The following SH3GL1 variants were observed in gnomAD, a reference collection of about 807,000 sequenced individuals.
SH3GL1 encodes SH3 domain containing GRB2 like 1, endophilin A2, also known as endophilin-A2.
SH3GL1 carries 21 observed loss-of-function variants against 48.8 expected under a neutral mutation model. The ratio of observed to expected loss-of-function variants is 0.43; its 90% CI spans 0.30 to 0.62. The LOEUF (loss-of-function observed/expected upper bound fraction) is 0.62, where lower values mean the gene tolerates loss of function less well. SH3GL1 is among the 20% of genes least tolerant of loss of function. The pLI, the probability that SH3GL1 is intolerant of heterozygous loss-of-function variation, is 0.11. For synonymous variants in SH3GL1, 282 were observed against 217.5 expected, an observed-to-expected ratio of 1.30 and a Z score of -2.61; for missense variants, 454 against 503.0, an observed-to-expected ratio of 0.90 and a Z score of 0.93.
intron 1 of SH3GL1, among the ~76,000 whole-genome samples, chr19:4,384,017 A>C (rs564971998): frequency 6.6e-6 from 1 of 152,334 alleles, no homozygotes; most frequent in African/African-American, 2.4e-5. Context: ...GCTACAAATC[A>C]ATCTTATCAA....
chr19:4,377,063 G>A (rs534622290), intron 1 of SH3GL1, among the ~76,000 whole-genome samples: 156 of 152,314 alleles, frequency 1.0e-3, no homozygotes, highest in South Asian at 2.3e-3. Flanking sequence ...GATGGAGGCC[G>A]CCAGGCCCAT....
intron 1 of SH3GL1, among the ~76,000 whole-genome samples, chr19:4,375,840 C>A (rs1972997587): frequency 6.6e-6 from 1 of 152,244 alleles, no homozygotes; most frequent in Non-Finnish European, 1.5e-5. Context: ...CAGGGAAACA[C>A]CAGCTCTGCA....
In SH3GL1 at chr19:4,365,495, G is replaced by C. The variant is rs758947851; in HGVS notation, c.318C>G (p.Gly106=). The change falls in exon 4 of 10, where the codon GGC becomes GGG. Residue 106 remains glycine (G), a synonymous_variant. Coordinates refer to ENST00000269886, the MANE Select transcript of SH3GL1 (RefSeq NM_003025.4). ...AGCACCACTCACCAAAGTTGGACTC[G>C]CCGCCCAGCTCCTTCCCGTGGCGGA... is the stretch of plus-strand genomic sequence containing the variant. ...CMIRHGKELG[G]ESNFGDALLD... The C allele has an allele frequency of 1.2e-6, 2 of 1,613,742 alleles. No individual in the cohort carries two copies. The highest frequency in any genetic ancestry group is 1.7e-5 in the Admixed American group (1 of 60,016).
intron 8 of SH3GL1, 28 bp downstream of exon 8, chr19:4,362,584 T>TCCCAC: frequency 1.2e-6 from 2 of 1,612,480 alleles, no homozygotes; most frequent in Non-Finnish European, 1.7e-6. Flanking sequence ...GGCATTTGCC[T>TCCCAC]CCGCAAGAGG....
At chr19:4,370,209 G>A (rs554021731) in intron 1 of SH3GL1, among the ~76,000 whole-genome samples, 19 of 152,322 alleles carry the variant, frequency 1.2e-4, no homozygotes, top group African/African-American at 3.8e-4. Context: ...CAATGCCCCC[G>A]CATCAGAGAC....
intron 1 of SH3GL1, among the ~76,000 whole-genome samples, chr19:4,399,279 C>T (rs1235471623): frequency 7.1e-6 from 1 of 140,064 alleles, no homozygotes; most frequent in Non-Finnish European, 1.5e-5. Context: ...GAGATTGCAC[C>T]ACTGCCCTCC....
intron 1 of SH3GL1, among the ~76,000 whole-genome samples, chr19:4,371,968 A>G (rs542845425): frequency 6.6e-6 from 1 of 152,102 alleles, no homozygotes; most frequent in East Asian, 1.9e-4. Flanking sequence ...TACCTGTGAC[A>G]AGGCCTCATC....
rs924298399 is a variant in SH3GL1, at chr19:4,364,866, T to G, written c.331+616A>C. On this transcript the variant is annotated intron_variant, in intron 4 of 9. Coordinates refer to ENST00000269886, the MANE Select transcript of SH3GL1 (RefSeq NM_003025.4). Reference sequence around the variant, plus strand: ...GGCATGCACTACCACACCCGGCTAATTGTGTGTGTGTGTGTGTGTGTGTGT... The same window carrying G: ...GGCATGCACTACCACACCCGGCTAAGTGTGTGTGTGTGTGTGTGTGTGTGT... Among the ~76,000 whole-genome samples, 27 of 97,124 alleles carry G rather than the reference T, an allele frequency of 2.8e-4. No individual in the cohort carries two copies. In the East Asian group the frequency reaches 6.6e-3, roughly 24 times the overall value. 63.7% of individuals were successfully genotyped at this position (97,124 alleles called of 152,430 possible).
At chr19:4,398,527 C>A (rs1483483208) in intron 1 of SH3GL1, among the ~76,000 whole-genome samples, 1 of 151,968 alleles carries the variant, frequency 6.6e-6, no homozygotes, top group South Asian at 2.1e-4. Flanking sequence ...GGGTTACAGG[C>A]AAAAATACAA....
chr19:4,384,639 G>A (rs1482511433), intron 1 of SH3GL1, among the ~76,000 whole-genome samples: 5 of 152,284 alleles, frequency 3.3e-5, no homozygotes, highest in Admixed American at 6.5e-5. Context: ...ACAGGGGACC[G>A]CTCACTGCCA....
intron 1 of SH3GL1, among the ~76,000 whole-genome samples, chr19:4,386,990 G>A (rs555715366): frequency 1.3e-5 from 2 of 152,250 alleles, no homozygotes; most frequent in African/African-American, 4.8e-5. Context: ...AGGCTGGAGT[G>A]CAGTGGTGCA....
intron 1 of SH3GL1, among the ~76,000 whole-genome samples, chr19:4,377,862 T>A (rs1363762069): frequency 6.6e-6 from 1 of 152,178 alleles, no homozygotes; most frequent in African/African-American, 2.4e-5. Context: ...CCATCTCCCC[T>A]GCAGCGAGAA....
At chr19:4,398,330 C>G (rs906504154) in intron 1 of SH3GL1, among the ~76,000 whole-genome samples, 1 of 152,112 alleles carries the variant, frequency 6.6e-6, no homozygotes, top group Non-Finnish European at 1.5e-5. Flanking sequence ...AAATTCCACA[C>G]AACCTCACCC....
Position 4,376,791 on chromosome 19 carries a change from G to A in SH3GL1, c.46-9797C>T, listed in dbSNP as rs1022077688. On this transcript the variant is annotated intron_variant, in intron 1 of 9. Transcript: ENST00000269886. This position sits in a 1 kb window ranked among gnomAD's most constrained non-coding sequence, Gnocchi z 4.3. ...GCCCCACCCTCCTGCTATCCTCACG[G>A]GGCCTCGCATTCCTCTTGCTTGCTT... Among the ~76,000 whole-genome samples the A allele has an allele frequency of 1.3e-5, 2 of 152,090 alleles. No homozygotes were observed. The highest frequency in any genetic ancestry group is 6.6e-5 in the Admixed American group (1 of 15,266).
chr19:4,365,074 C>A (rs1159238517), intron 4 of SH3GL1, among the ~76,000 whole-genome samples: 2 of 151,962 alleles, frequency 1.3e-5, no homozygotes, highest in Non-Finnish European at 1.5e-5. Context: ...CTTCTAACAG[C>A]CCCCCAACAC....
In SH3GL1 at chr19:4,361,482, A is replaced by G; in HGVS notation, c.*118T>C. On this transcript the variant is annotated 3_prime_UTR_variant, in exon 10 of 10. Coordinates refer to ENST00000269886, the MANE Select transcript of SH3GL1 (RefSeq NM_003025.4). ...GGGAGTACCTCAAGGGCCGGGGCCC[A>G]GGTGGCGCCGGCAGGCTCAGACACC... The G allele has an allele frequency of 1.4e-6, 1 of 738,920 alleles. No homozygotes were observed. The allele number at this position is 738,920 out of a possible 1,614,324, so 45.8% of individuals were successfully genotyped here. A position where few individuals can be genotyped will look rare whatever the true frequency, so the allele number is the denominator to read the frequency against.
At position 4,400,500 on chromosome 19, in the gene SH3GL1, GC is replaced by G; in HGVS notation, c.-133del. The G allele has an allele frequency of 1.4e-6, 1 of 708,158 alleles. No individual in the cohort carries two copies. The highest frequency in any genetic ancestry group is 1.8e-6 in the Non-Finnish European group (1 of 563,390). The allele number at this position is 708,158 out of a possible 1,614,324, so 43.9% of individuals were successfully genotyped here. ...CCACCCGCTTGCCAGCTCCGCGCCCGCCCCGGCGCCGCCTCAGCCGCTCGCG... is the reference window on the plus strand; with the variant it reads ...CCACCCGCTTGCCAGCTCCGCGCCCGCCCGGCGCCGCCTCAGCCGCTCGCG... On this transcript the variant is annotated 5_prime_UTR_variant, in exon 1 of 10. Coordinates refer to ENST00000269886, the MANE Select transcript of SH3GL1 (RefSeq NM_003025.4). The surrounding 1 kb of genome is among the most constrained non-coding windows in gnomAD (Gnocchi z 4.1).
chr19:4,399,832 G>A (rs2144937237), intron 1 of SH3GL1, among the ~76,000 whole-genome samples: 1 of 152,346 alleles, frequency 6.6e-6, no homozygotes, highest in Non-Finnish European at 1.5e-5. Context: ...GCTTGTCTCT[G>A]GGGAGAAGGG....
intron 4 of SH3GL1, among the ~76,000 whole-genome samples, chr19:4,364,911 TATA>T (rs1269688277): frequency 8.8e-5 from 12 of 135,812 alleles, no homozygotes; most frequent in South Asian, 2.3e-4. Flanking sequence ...TATATATATA[TATA>T]TATTTTTTTT....
Sources: allele counts gnomAD v4.1 joint callset (sites outside exome capture counted in the v4.1 genomes callset), GRCh38; gene constraint gnomAD v4.1.1; non-coding constraint Gnocchi (gnomAD v3.1); transcripts MANE v1.5; gene names NCBI Gene and HGNC (gene_info 2026-07-23, HGNC 2026-07-21).